Variants in CD109 observed in about 807,000 individuals in gnomAD.
CD109 encodes CD109 antigen.
A neutral mutation model predicts 165.8 loss-of-function variants in CD109; 149 were observed. The observed-to-expected ratio is 0.90, with a 90% CI of 0.79 to 1.03. The LOEUF (loss-of-function observed/expected upper bound fraction) is 1.03, where lower values mean the gene tolerates loss of function less well. CD109 is among the 50% of genes least tolerant of loss of function. The probability of loss-of-function intolerance (pLI) is 0.00; values close to 1 mark genes in which losing one functional copy is unlikely to be tolerated. For synonymous variants in CD109, 585 were observed against 592.1 expected (o/e 0.99, Z 0.18); for missense variants, 1,712 against 1,677.8 (o/e 1.02, Z -0.36).
intron 27 of CD109, 28 bp from the exon 28 acceptor site, chr6:73,810,964 T>A (rs754477275): frequency 6.2e-7 from 1 of 1,600,764 alleles, no homozygotes; most frequent in African/African-American, 1.4e-5. Context: ...TATACTTATA[T>A]GTACAAATGT....
chr6:73,794,907 G>A (rs1242168267), intron 23 of CD109, among the ~76,000 whole-genome samples: 1 of 151,412 alleles, frequency 6.6e-6, no homozygotes, highest in Non-Finnish European at 1.5e-5. Flanking sequence ...AAATATATAC[G>A]TACAAGAATA....
chr6:73,802,279 GTGTGTGTGTGTATATA>G (rs1458387979), intron 23 of CD109, among the ~76,000 whole-genome samples: 1 of 97,254 alleles, frequency 1.0e-5, no homozygotes, highest in African/African-American at 4.1e-5. Context: ...GTGTGTGTGT[GTGTGTGTGTGTATATA>G]TATATATATA....
chr6:73,786,640 A>C (rs1021517183), intron 20 of CD109, among the ~76,000 whole-genome samples: 3 of 152,078 alleles, frequency 2.0e-5, no homozygotes, highest in African/African-American at 7.2e-5. Context: ...ATACCTTGAG[A>C]AGCAGATGAA....
Position 73,768,113 on chromosome 6 carries a change from T to C in CD109, c.1556T>C (p.Leu519Ser), listed in dbSNP as rs201102034. Residue 519 changes from leucine (L) to serine (S), a missense_variant, in exon 14 of 33, where the codon TTA becomes TCA. By Grantham distance (145) the Leu-to-Ser change is moderately radical (BLOSUM62 -2). Coordinates refer to ENST00000287097, the MANE Select transcript of CD109 (RefSeq NM_133493.5). ...VGKQNSTMFSLTPENSWTPKA... is the reference protein window; with the variant it reads ...VGKQNSTMFSSTPENSWTPKA... ...AAACAAAATTCAACAATGTTCTCTTTAACACCAGAAAATTCTTGGACTCCA... is the reference window on the plus strand; with the variant it reads ...AAACAAAATTCAACAATGTTCTCTTCAACACCAGAAAATTCTTGGACTCCA... 39 of 1,613,170 alleles carry C rather than the reference T, an allele frequency of 2.4e-5. No homozygotes were observed. In the East Asian group the frequency reaches 8.7e-4, roughly 36 times the overall value.
At chr6:73,792,527 A>G (rs572089971) in intron 22 of CD109, 99 bp from the exon 23 acceptor site, 11 of 996,812 alleles carry the variant, frequency 1.1e-5, no homozygotes, top group East Asian at 9.5e-5. Flanking sequence ...TATTGCTTCA[A>G]TGACAGAGGT....
intron 16 of CD109, 73 bp downstream of exon 16, chr6:73,780,571 C>A: frequency 1.1e-6 from 1 of 946,024 alleles, no homozygotes; most frequent in South Asian, 1.4e-5. Flanking sequence ...AATTAGTGAT[C>A]ATTTTGAGAT....
chr6:73,818,377 CTT>C lies in CD109; in HGVS notation c.3912-9_3912-8del. 6.2e-7 allele frequency: 1 copy of C among 1,613,664 alleles called. No homozygotes were observed. Among genetic ancestry groups the C allele is most frequent in the South Asian group, 1.1e-5 (1 of 91,062 alleles). On this transcript the variant is annotated splice_polypyrimidine_tract_variant and intron_variant, in intron 30 of 32. Transcript: ENST00000287097. The stretch of plus-strand genomic sequence containing the variant: ...TGAGGAGTTTTCATTCATCCTCCCT[CTT>C]TGATTTAGCTTTTCGGGCCCGGGTA...
chr6:73,743,119 T>A (rs1772854648), intron 5 of CD109, among the ~76,000 whole-genome samples: 1 of 152,202 alleles, frequency 6.6e-6, no homozygotes, highest in Admixed American at 6.5e-5. Context: ...GGTAATCAGC[T>A]CAGTAGAGCT....
At chr6:73,681,066 T>C in the CD109 span, among the ~76,000 whole-genome samples, 1 of 152,208 alleles carries the variant, frequency 6.6e-6, no homozygotes, top group African/African-American at 2.4e-5. Context: ...AGCTTTTCAG[T>C]GGCCCATCTG....
chr6:73,713,920 C>T (rs1771625777), intron 2 of CD109, among the ~76,000 whole-genome samples: 1 of 152,096 alleles, frequency 6.6e-6, no homozygotes, highest in Non-Finnish European at 1.5e-5. Context: ...TACCACCCCT[C>T]CCCCGTCGTT....
rs141855592 is a variant in CD109 at position 73,756,660 on chromosome 6, A to G, written c.651A>G (p.Gln217=). 5.2e-6 allele frequency: 8 copies of G among 1,546,790 alleles called. No individual in the cohort carries two copies. Among genetic ancestry groups the G allele is most frequent in the Admixed American group, 4.1e-5 (2 of 48,588 alleles). Residue 217 remains glutamine (Q), a synonymous_variant, in exon 6 of 33, where the codon CAA becomes CAG. Coordinates refer to ENST00000287097, the MANE Select transcript of CD109 (RefSeq NM_133493.5). ...CCCAATAGGACCAGACATACTATCAATCATTTCAGGTTTCAGAATATGGTA... is the reference window on the plus strand; with the variant it reads ...CCCAATAGGACCAGACATACTATCAGTCATTTCAGGTTTCAGAATATGGTA... ...QVQVNDQTYY[Q]SFQVSEYVLP... is the part of the protein sequence containing the mutation.
At chr6:73,781,147 C>A in intron 16 of CD109, 112 bp from the exon 17 acceptor site, 2 of 761,880 alleles carry the variant, frequency 2.6e-6, no homozygotes, top group South Asian at 1.6e-5. Flanking sequence ...ATGTGTATAC[C>A]TAAGCTCTCA....
chr6:73,712,712 C>CAA (rs1271172801), intron 2 of CD109, among the ~76,000 whole-genome samples: 4 of 152,194 alleles, frequency 2.6e-5, no homozygotes, highest in Non-Finnish European at 5.9e-5. Flanking sequence ...AGTTCTCAGG[C>CAA]TGTGCCAAAT....
intron 30 of CD109, among the ~76,000 whole-genome samples, chr6:73,817,195 T>C (rs1324212124): frequency 6.6e-6 from 1 of 152,212 alleles, no homozygotes; most frequent in Non-Finnish European, 1.5e-5. Context: ...GCTTTCTGTG[T>C]GGCATGATAG....
chr6:73,762,924 A>G, intron 9 of CD109, 42 bp downstream of exon 9: 1 of 1,529,908 alleles, frequency 6.5e-7, no homozygotes. Context: ...TTCATGTGAC[A>G]CTGCTTTATC....
chr6:73,724,384 G>A (rs1206758982), intron 3 of CD109, among the ~76,000 whole-genome samples: 2 of 152,140 alleles, frequency 1.3e-5, no homozygotes, highest in Non-Finnish European at 2.9e-5. Context: ...GTTTGTGGAT[G>A]AATCTTCCTA....
rs1288728538 is a variant in CD109 at position 73,791,128 on chromosome 6, CATACATACATATAT to C, written c.2702-1494_2702-1481del. The stretch of plus-strand genomic sequence containing the variant: ...GACTTTATTTGGAGGCATATATATA[CATACATACATATAT>C]ATATATATATATATATATATATATA... On this transcript the variant is annotated intron_variant, in intron 22 of 32. Coordinates refer to ENST00000287097, the MANE Select transcript of CD109 (RefSeq NM_133493.5). 1.5e-3 allele frequency among the ~76,000 whole-genome samples: 138 copies of C among 90,414 alleles called. 2 individuals are homozygous for C. The highest frequency in any genetic ancestry group is 2.5e-3 in the South Asian group (6 of 2,354). The allele number at this position is 90,414 out of a possible 152,430, so 59.3% of individuals were successfully genotyped here. A position where few individuals can be genotyped will look rare whatever the true frequency, so the allele number is the denominator to read the frequency against.
chr6:73,798,566 T>G (rs2150280551), intron 23 of CD109, among the ~76,000 whole-genome samples: 1 of 152,176 alleles, frequency 6.6e-6, no homozygotes, highest in African/African-American at 2.4e-5. Flanking sequence ...CTCTCCAGGT[T>G]GTGAATTTCT....
intron 11 of CD109, among the ~76,000 whole-genome samples, chr6:73,766,549 A>T (rs1348996541): frequency 6.6e-6 from 1 of 151,144 alleles, no homozygotes; most frequent in Non-Finnish European, 1.5e-5. Flanking sequence ...ATATATATAT[A>T]TATATTCCTT....
Sources: gnomAD v4.1 joint callset for allele counts (sites outside exome capture counted in the v4.1 genomes callset) on GRCh38, gnomAD v4.1.1 for gene constraint, MANE v1.5 for transcripts, NCBI Gene and HGNC (gene_info 2026-07-23, HGNC 2026-07-21) for gene names.